PNPLA7: variants seen among roughly 807,000 people sequenced by gnomAD.
The protein encoded by PNPLA7 is patatin like domain 7, lysophospholipase.
In PNPLA7, 153 loss-of-function variants were observed where a neutral mutation model predicts 161.7. That is an observed-to-expected ratio of 0.95 (90% CI 0.83 to 1.08). The LOEUF (loss-of-function observed/expected upper bound fraction) is 1.08. PNPLA7 is among the 50% of genes least tolerant of loss of function. The pLI is 0.00. For missense variants in PNPLA7, 1,739 were observed against 1,856.6 expected, an observed-to-expected ratio of 0.94 and a Z score of 1.16; for synonymous variants, 809 against 782.1, an observed-to-expected ratio of 1.03 and a Z score of -0.57.
intron 7 of PNPLA7, among the ~76,000 whole-genome samples, chr9:137,542,011 G>A (rs1836232858): frequency 6.6e-6 from 1 of 152,122 alleles, no homozygotes; most frequent in Non-Finnish European, 1.5e-5. Context: ...CTAAGCCGTG[G>A]GCTCAGGTGA....
chr9:137,492,125 C>T (rs894118412), intron 20 of PNPLA7: 1 of 985,244 alleles, frequency 1.0e-6, no homozygotes, highest in African/African-American at 1.7e-5. Context: ...TGAGAGAGGA[C>T]AGCCTGAGAG....
rs1369126107 is a variant in PNPLA7, at chr9:137,497,187, C to T, written c.2013G>A (p.Val671=). The T allele has an allele frequency of 1.9e-6, 3 of 1,573,622 alleles. No homozygotes were observed. Among genetic ancestry groups the T allele is most frequent in the Non-Finnish European group, 2.6e-6 (3 of 1,161,524 alleles). Residue 671 remains valine, a splice_region_variant and synonymous_variant, in exon 18 of 35, where the codon GTG becomes GTA. Coordinates refer to ENST00000406427, the MANE Select transcript of PNPLA7 (RefSeq NM_001098537.3). The stretch of plus-strand genomic sequence containing the variant: ...GGCAGGAGCAGGGCCCAGCACCTAC[C>T]ACGCCGACGAGGTCTCCTCGGCCGT... ...GEYGRGDLVG[V]VETLTHQARA... is the part of the protein sequence containing the mutation.
Position 137,496,122 on chromosome 9 carries a change from C to T in PNPLA7, c.2014-976G>A, listed in dbSNP as rs1195331979. On this transcript the variant is annotated intron_variant, in intron 18 of 34. Coordinates refer to ENST00000406427, the MANE Select transcript of PNPLA7 (RefSeq NM_001098537.3). ...CCACACACTGTTTTTTTTTTTCAGACGGAGTTTAGTTTTTTTTTGTTTTTT... is the reference window on the plus strand; with the variant it reads ...CCACACACTGTTTTTTTTTTTCAGATGGAGTTTAGTTTTTTTTTGTTTTTT... Among the ~76,000 whole-genome samples the T allele has an allele frequency of 4.0e-5, 6 of 148,484 alleles. No homozygotes were observed. In the South Asian group the frequency reaches 8.6e-4, roughly 21 times the overall value.
At chr9:137,475,716 G>T (rs1831920194) in intron 25 of PNPLA7, among the ~76,000 whole-genome samples, 1 of 150,906 alleles carries the variant, frequency 6.6e-6, no homozygotes, top group Non-Finnish European at 1.5e-5. Flanking sequence ...CTCCTACGAG[G>T]TTCCAGAAGA....
In PNPLA7 at chr9:137,485,927, C is replaced by T. The variant is rs554587983; in HGVS notation, c.2198-1191G>A. Among the ~76,000 whole-genome samples the T allele has an allele frequency of 1.2e-3, 187 of 152,244 alleles. 1 individual carries two copies. The highest frequency in any genetic ancestry group is 4.0e-3 in the African/African-American group (168 of 41,532). On this transcript the variant is annotated intron_variant, in intron 20 of 34. Transcript: ENST00000406427. ...GTCCCAGGCCCTCTTTACTGGATGC[C>T]GTCTGGCGAGTGGCATCTCTGCTTC...
At chr9:137,484,020 C>T (rs1832346977) in intron 21 of PNPLA7, among the ~76,000 whole-genome samples, 1 of 152,078 alleles carries the variant, frequency 6.6e-6, no homozygotes, top group East Asian at 1.9e-4. Flanking sequence ...ACTGCAACCT[C>T]TATCTCCCGG....
intron 24 of PNPLA7, 56 bp from the exon 25 acceptor site, chr9:137,478,208 C>G: frequency 8.3e-7 from 1 of 1,211,590 alleles, no homozygotes; most frequent in Non-Finnish European, 1.1e-6. Context: ...CGGCCGAGAC[C>G]TCGCATCCTG....
rs1831229056 is a variant in PNPLA7, at chr9:137,461,968, CGGA to C, written c.3716_3718del (p.Leu1239del). On this transcript the variant is annotated inframe_deletion, in exon 32 of 35. Coordinates refer to ENST00000406427, the MANE Select transcript of PNPLA7 (RefSeq NM_001098537.3). ...CTTCTTGCTCGGCCCCTGCTGGTCG[CGGA>C]GCATCTTCTCCAGCACGCCGCTGCG... 1.3e-6 allele frequency: 2 copies of C among 1,597,006 alleles called. No homozygotes were observed. The highest frequency in any genetic ancestry group is 1.7e-6 in the Non-Finnish European group (2 of 1,175,282).
At chr9:137,463,563 C>G (rs541329523) in intron 28 of PNPLA7, 32 bp from the exon 29 acceptor site, 5 of 1,490,878 alleles carry the variant, frequency 3.4e-6, no homozygotes, top group East Asian at 2.4e-5. Context: ...GCTGGTTACC[C>G]GGAGGAGGCT....
intron 22 of PNPLA7, 110 bp downstream of exon 22, chr9:137,480,850 G>A (rs1588563628): frequency 7.6e-6 from 9 of 1,183,362 alleles, no homozygotes; most frequent in Non-Finnish European, 1.1e-5. Context: ...ACAGTGTGCT[G>A]GACGAGGAGC....
chr9:137,517,015 CTCCACTCTGTCCACTCCATCCCCTG>C (rs1229177934), intron 11 of PNPLA7, among the ~76,000 whole-genome samples: 1 of 146,520 alleles, frequency 6.8e-6, no homozygotes, highest in Non-Finnish European at 1.5e-5. Context: ...CCCCCACTCA[CTCCACTCTGTCCACTCCATCCCCTG>C]TCACTCACTC....
intron 25 of PNPLA7, among the ~76,000 whole-genome samples, chr9:137,470,517 A>T (rs1831659794): frequency 1.3e-5 from 2 of 152,328 alleles, no homozygotes; most frequent in East Asian, 1.9e-4. Context: ...CCTGGGCAAC[A>T]GAATGAGACA....
In PNPLA7 at chr9:137,524,980, G is replaced by C. The variant is rs950710300; in HGVS notation, c.748-2123C>G. Among the ~76,000 whole-genome samples, 2 of 152,228 alleles carry C rather than the reference G, an allele frequency of 1.3e-5. No homozygotes were observed. Among genetic ancestry groups the C allele is most frequent in the Admixed American group, 1.3e-4 (2 of 15,284 alleles). ...GGAGAAAGCCCTCAAGATCTTAGAA[G>C]CTCCTGGAAGTGTCTTTTTATTCAC... is the stretch of plus-strand genomic sequence containing the variant. On this transcript the variant is annotated intron_variant, in intron 8 of 34. Coordinates refer to ENST00000406427, the MANE Select transcript of PNPLA7 (RefSeq NM_001098537.3). The surrounding 1 kb of genome is among the most constrained non-coding windows in gnomAD (Gnocchi z 4.4).
intron 8 of PNPLA7, among the ~76,000 whole-genome samples, chr9:137,529,598 C>A (rs185268661): frequency 3.4e-4 from 52 of 151,940 alleles, no homozygotes; most frequent in African/African-American, 1.2e-3. Flanking sequence ...CTTTGCTCTG[C>A]CCTGAACATG....
At chr9:137,544,796 C>A (rs1280181162) in intron 4 of PNPLA7, among the ~76,000 whole-genome samples, 1 of 152,052 alleles carries the variant, frequency 6.6e-6, no homozygotes, top group Non-Finnish European at 1.5e-5. Context: ...ATTACAGGCG[C>A]CCGCCACAAA....
rs1400340830 is a variant in PNPLA7 at position 137,500,998 on chromosome 9, A to G, written c.1552-102T>C. 1 of 1,048,250 alleles carries G rather than the reference A, an allele frequency of 9.5e-7. No homozygotes were observed. Among genetic ancestry groups the G allele is most frequent in the Non-Finnish European group, 1.4e-6 (1 of 728,060 alleles). 64.9% of individuals were successfully genotyped at this position (1,048,250 alleles called of 1,614,324 possible). On this transcript the variant is annotated intron_variant, in intron 15 of 34. Coordinates refer to ENST00000406427, the MANE Select transcript of PNPLA7 (RefSeq NM_001098537.3). The surrounding 1 kb of genome is among the most constrained non-coding windows in gnomAD (Gnocchi z 5.5). Reference sequence around the variant, plus strand: ...CGATGCCACCAGGCTCAGCCGGGAGACCATCCGCCGACCTGATCAGCTCTG... The same window carrying G: ...CGATGCCACCAGGCTCAGCCGGGAGGCCATCCGCCGACCTGATCAGCTCTG...
At chr9:137,492,239 C>T (rs189537485) in intron 20 of PNPLA7, 7 of 985,292 alleles carry the variant, frequency 7.1e-6, no homozygotes, top group Non-Finnish European at 7.2e-6. Context: ...GTCTCATTAT[C>T]TTTCCATGCT....
At position 137,547,216 on chromosome 9, in the gene PNPLA7, C is replaced by T. The variant is rs1836579778; in HGVS notation, c.193+93G>A. On this transcript the variant is annotated intron_variant, in intron 3 of 34. Transcript: ENST00000406427. The surrounding 1 kb of genome is among the most constrained non-coding windows in gnomAD (Gnocchi z 4.6). ...AGATTCTAGCCAAAGCCACCATGCG[C>T]TTGAGGGCCCCTCCCAGGGGCTCAA... is the stretch of plus-strand genomic sequence containing the variant. The T allele has an allele frequency of 7.9e-7, 1 of 1,258,164 alleles. No individual in the cohort carries two copies. Among genetic ancestry groups the T allele is most frequent in the Non-Finnish European group, 1.2e-6 (1 of 864,870 alleles). 77.9% of individuals were successfully genotyped at this position (1,258,164 alleles called of 1,614,324 possible). A position where few individuals can be genotyped will look rare whatever the true frequency, so the allele number is the denominator to read the frequency against.
At chr9:137,493,750 C>G (rs1832894645) in intron 19 of PNPLA7, among the ~76,000 whole-genome samples, 1 of 152,230 alleles carries the variant, frequency 6.6e-6, no homozygotes, top group Non-Finnish European at 1.5e-5. Context: ...ACGAGGCCCA[C>G]CCTGCAGGCC....
Sources: allele counts gnomAD v4.1 joint callset (sites outside exome capture counted in the v4.1 genomes callset), GRCh38; gene constraint gnomAD v4.1.1; non-coding constraint Gnocchi (gnomAD v3.1); transcripts MANE v1.5; gene names NCBI Gene and HGNC (gene_info 2026-07-23, HGNC 2026-07-21).